GALNT13: variants seen among roughly 807,000 people sequenced by gnomAD.
GALNT13 encodes UDP-GalNAc:polypeptide N-acetylgalactosaminyltransferase 13.
GALNT13 carries 28 observed loss-of-function variants against 64.2 expected under a neutral mutation model. The ratio of observed to expected loss-of-function variants is 0.44; its 90% CI spans 0.32 to 0.60. The LOEUF (loss-of-function observed/expected upper bound fraction) is 0.60. Among genes scored for constraint, GALNT13 ranks in the 20% least tolerant of loss-of-function variants. The probability of loss-of-function intolerance (pLI) is 0.05; values close to 1 mark genes in which losing one functional copy is unlikely to be tolerated. For synonymous variants in GALNT13, 214 were observed against 224.6 expected (o/e 0.95, Z 0.42); for missense variants, 577 against 669.8 (o/e 0.86, Z 1.53).
chr2:154,342,368 A>G (rs1259117377), intron 9 of GALNT13, among the ~76,000 whole-genome samples: 1 of 152,112 alleles, frequency 6.6e-6, no homozygotes, highest in Non-Finnish European at 1.5e-5. Flanking sequence ...GACAAACTGT[A>G]AACATTAATC....
the GALNT13 span, among the ~76,000 whole-genome samples, chr2:153,223,365 C>T: frequency 6.6e-6 from 1 of 152,168 alleles, no homozygotes; most frequent in Admixed American, 6.5e-5. Context: ...CTGGCAATAG[C>T]AGAATATTAA....
the GALNT13 span, among the ~76,000 whole-genome samples, chr2:153,581,663 G>A: frequency 6.6e-6 from 1 of 151,478 alleles, no homozygotes; most frequent in East Asian, 1.9e-4. Context: ...TAAAACTTAT[G>A]TATAAGGGGG....
At chr2:153,726,325 C>T in the GALNT13 span, among the ~76,000 whole-genome samples, 47 of 152,008 alleles carry the variant, frequency 3.1e-4, no homozygotes, top group African/African-American at 1.1e-3. Context: ...AGATGTGACT[C>T]GTGTCTTTTT....
intron 9 of GALNT13, among the ~76,000 whole-genome samples, chr2:154,312,717 A>T (rs1286858730): frequency 6.6e-6 from 1 of 152,158 alleles, no homozygotes; most frequent in Non-Finnish European, 1.5e-5. Flanking sequence ...AATATTTGTT[A>T]AATGATTTAG....
intron 9 of GALNT13, among the ~76,000 whole-genome samples, chr2:154,329,105 G>A (rs1044336520): frequency 1.3e-5 from 2 of 151,854 alleles, no homozygotes; most frequent in Non-Finnish European, 2.9e-5. Flanking sequence ...TTGCAATTTG[G>A]TTCCTTTTTT....
intron 8 of GALNT13, among the ~76,000 whole-genome samples, chr2:154,278,294 T>G (rs181315725): frequency 2.0e-5 from 3 of 152,302 alleles, no homozygotes; most frequent in African/African-American, 7.2e-5. Flanking sequence ...TTAGACCTGA[T>G]GGAAGACTAC....
chr2:153,787,283 G>A, the GALNT13 span, among the ~76,000 whole-genome samples: 1 of 152,032 alleles, frequency 6.6e-6, no homozygotes, highest in Non-Finnish European at 1.5e-5. Context: ...CCAACTGACC[G>A]CTACACTTAA....
At chr2:153,234,876 A>G in the GALNT13 span, among the ~76,000 whole-genome samples, 1 of 152,226 alleles carries the variant, frequency 6.6e-6, no homozygotes, top group Non-Finnish European at 1.5e-5. Context: ...CTAAATTTCA[A>G]TTACAGGCAT....
chr2:153,259,180 C>G, the GALNT13 span, among the ~76,000 whole-genome samples: 1 of 152,140 alleles, frequency 6.6e-6, no homozygotes, highest in South Asian at 2.1e-4. Flanking sequence ...TGTATAATGA[C>G]TTTCTTTGCC....
the GALNT13 span, among the ~76,000 whole-genome samples, chr2:153,203,104 T>G: frequency 6.6e-6 from 1 of 152,234 alleles, no homozygotes; most frequent in African/African-American, 2.4e-5. Flanking sequence ...GGATGTTACT[T>G]GTCTGCTTTC....
intron 1 of GALNT13, among the ~76,000 whole-genome samples, chr2:153,873,213 G>A (rs1187760974): frequency 6.6e-6 from 1 of 152,140 alleles, no homozygotes; most frequent in Admixed American, 6.5e-5. Flanking sequence ...GGGTCAGTGG[G>A]GACGCGGAGG....
intron 4 of GALNT13, among the ~76,000 whole-genome samples, chr2:154,238,934 C>G (rs1279562288): frequency 6.6e-6 from 1 of 151,932 alleles, no homozygotes; most frequent in Non-Finnish European, 1.5e-5. Context: ...TGCATTAGAT[C>G]TCCAGAAGTT....
chr2:153,580,191 A>G, the GALNT13 span, among the ~76,000 whole-genome samples: 23 of 152,162 alleles, frequency 1.5e-4, no homozygotes, highest in African/African-American at 4.6e-4. Flanking sequence ...TTCACCATTT[A>G]TGTGGATCCT....
At chr2:153,125,092 C>T in the GALNT13 span, among the ~76,000 whole-genome samples, 29,612 of 152,018 alleles carry the variant, frequency 0.19, 3,041 homozygotes, top group Non-Finnish European at 0.23. Context: ...TAAGTATATA[C>T]CATGTAATAT....
chr2:154,150,072 G>A (rs1420165851), intron 4 of GALNT13, among the ~76,000 whole-genome samples: 1 of 152,122 alleles, frequency 6.6e-6, no homozygotes, highest in Non-Finnish European at 1.5e-5. Context: ...GTTTGTCATA[G>A]ATAGCTCTTA....
the GALNT13 span, among the ~76,000 whole-genome samples, chr2:153,395,238 A>C: frequency 6.6e-6 from 1 of 152,168 alleles, no homozygotes; most frequent in Non-Finnish European, 1.5e-5. Context: ...TCATATCCAC[A>C]GGTTAAATTG....
At chr2:154,339,344 T>G (rs753626619) in intron 9 of GALNT13, among the ~76,000 whole-genome samples, 4 of 152,138 alleles carry the variant, frequency 2.6e-5, no homozygotes, top group Non-Finnish European at 4.4e-5. Context: ...CATTGGTTGT[T>G]TCTAATTTGG....
the GALNT13 span, among the ~76,000 whole-genome samples, chr2:153,459,439 G>A: frequency 2.2e-3 from 334 of 151,898 alleles, no homozygotes; most frequent in African/African-American, 7.8e-3. Context: ...TAGCAAAACC[G>A]CCTCTCAACA....
intron 11 of GALNT13, among the ~76,000 whole-genome samples, chr2:154,411,730 C>T (rs1699805421): frequency 6.6e-6 from 1 of 151,736 alleles, no homozygotes; most frequent in South Asian, 2.1e-4. Context: ...TTTTACCGCA[C>T]ATTTTTCTGC....
Sources: gnomAD v4.1 joint callset for allele counts (sites outside exome capture counted in the v4.1 genomes callset) on GRCh38, gnomAD v4.1.1 for gene constraint, MANE v1.5 for transcripts, NCBI Gene and HGNC (gene_info 2026-07-23, HGNC 2026-07-21) for gene names.